SLC30A9: variants seen among roughly 807,000 people sequenced by gnomAD.
SLC30A9 encodes solute carrier family 30 member 9, also known as proton-coupled zinc antiporter SLC30A9, mitochondrial.
A neutral mutation model predicts 87.5 loss-of-function variants in SLC30A9; 58 were observed. The observed-to-expected ratio is 0.66, with a 90% confidence interval of 0.54 to 0.82. The LOEUF (loss-of-function observed/expected upper bound fraction) is 0.82. Among genes scored for constraint, SLC30A9 ranks in the 40% least tolerant of loss-of-function variants. The pLI, the probability that SLC30A9 is intolerant of heterozygous loss-of-function variation, is 0.00. For missense variants in SLC30A9, 557 were observed against 679.1 expected, an observed-to-expected ratio of 0.82 and a Z score of 2.00; for synonymous variants, 234 against 233.0, an observed-to-expected ratio of 1.00 and a Z score of -0.04.
At chr4:42,003,143 G>A (rs1276850757) in intron 2 of SLC30A9, among the ~76,000 whole-genome samples, 1 of 151,976 alleles carries the variant, frequency 6.6e-6, no homozygotes, top group Non-Finnish European at 1.5e-5. Context: ...CAGATAGATG[G>A]AATTTTTGTT....
intron 8 of SLC30A9, among the ~76,000 whole-genome samples, chr4:42,045,182 G>T (rs897784516): frequency 7.2e-5 from 11 of 152,196 alleles, no homozygotes; most frequent in African/African-American, 1.9e-4. Context: ...AAATTCAAAT[G>T]CTAGCAGAAG....
rs548757673 is a variant in SLC30A9 at position 42,048,598 on chromosome 4, A to C, written c.738-779A>C. ...CTAGTTTCCTCAGAGTTAACTGTTT[A>C]TTTTGGCATCTAGCTGCTTCTAGTA... On this transcript the variant is annotated intron_variant, in intron 8 of 17. Transcript: ENST00000264451. 7.5e-5 allele frequency among the ~76,000 whole-genome samples: 11 copies of C among 146,732 alleles called. 1 individual carries two copies. In the East Asian group the frequency reaches 2.3e-3, roughly 30 times the overall value.
intron 10 of SLC30A9, among the ~76,000 whole-genome samples, chr4:42,061,555 G>A (rs899665263): frequency 6.6e-6 from 1 of 152,202 alleles, no homozygotes; most frequent in African/African-American, 2.4e-5. Flanking sequence ...ATTCCCCATG[G>A]CAGGATTACT....
chr4:42,039,346 T>A (rs1235342208), intron 8 of SLC30A9, among the ~76,000 whole-genome samples: 2 of 152,216 alleles, frequency 1.3e-5, no homozygotes, highest in African/African-American at 2.4e-5. Context: ...AAGTCTTTTT[T>A]AAAGAAGTTA....
chr4:41,991,067 CCCGCGGTTACTCACCT>C (rs1422945832), intron 1 of SLC30A9, among the ~76,000 whole-genome samples: 1 of 152,280 alleles, frequency 6.6e-6, no homozygotes, highest in Non-Finnish European at 1.5e-5. Context: ...ATCGCGGTGT[CCCGCGGTTACTCACCT>C]CCGCGGTTGG....
intron 8 of SLC30A9, among the ~76,000 whole-genome samples, chr4:42,045,072 G>A (rs1336345068): frequency 1.3e-5 from 2 of 152,100 alleles, no homozygotes; most frequent in East Asian, 3.9e-4. Flanking sequence ...GTGTTTAGAG[G>A]GAAATTTATA....
At chr4:42,068,019 C>T (rs184555394) in intron 14 of SLC30A9, among the ~76,000 whole-genome samples, 1 of 152,312 alleles carries the variant, frequency 6.6e-6, no homozygotes, top group East Asian at 1.9e-4. Context: ...TTACAATTTT[C>T]ACTTTGCAAA....
At chr4:42,023,417 G>T in intron 6 of SLC30A9, 33 bp downstream of exon 6, 3 of 1,347,640 alleles carry the variant, frequency 2.2e-6, no homozygotes, top group Non-Finnish European at 3.2e-6. Context: ...CAAGTTAATT[G>T]AAAAATAACT....
At chr4:42,065,394 A>G in intron 12 of SLC30A9, 45 bp downstream of exon 12, 2 of 1,009,596 alleles carry the variant, frequency 2.0e-6, no homozygotes, top group East Asian at 2.4e-5. Context: ...ATTTAGTAAT[A>G]TATATTCAGC....
intron 9 of SLC30A9, among the ~76,000 whole-genome samples, chr4:42,059,120 G>T (rs1365796134): frequency 1.3e-5 from 2 of 152,052 alleles, no homozygotes; most frequent in Non-Finnish European, 2.9e-5. Context: ...GAAAAAATGT[G>T]TCTATTAAAT....
intron 4 of SLC30A9, among the ~76,000 whole-genome samples, chr4:42,021,265 C>T (rs1336632707): frequency 6.6e-6 from 1 of 152,074 alleles, no homozygotes; most frequent in Non-Finnish European, 1.5e-5. Flanking sequence ...TTTAATAGAC[C>T]AGGATGAGCA....
chr4:42,060,843 G>A (rs1251322809), intron 10 of SLC30A9, among the ~76,000 whole-genome samples: 1 of 151,970 alleles, frequency 6.6e-6, no homozygotes, highest in East Asian at 1.9e-4. Flanking sequence ...AATATAATTT[G>A]ATAAATCTTA....
intron 2 of SLC30A9, among the ~76,000 whole-genome samples, chr4:42,009,921 GCT>G (rs1715369769): frequency 6.6e-6 from 1 of 152,150 alleles, no homozygotes; most frequent in Admixed American, 6.5e-5. Context: ...TCTCTGCCCT[GCT>G]CTCTGTTTCC....
intron 2 of SLC30A9, among the ~76,000 whole-genome samples, chr4:42,015,400 A>G (rs1049690241): frequency 1.9e-4 from 29 of 152,206 alleles, no homozygotes; most frequent in Admixed American, 1.4e-3. Flanking sequence ...AAAAGCAAAG[A>G]AAACAAGATG....
intron 2 of SLC30A9, among the ~76,000 whole-genome samples, chr4:42,016,051 C>G (rs77264730): frequency 0.019 from 2,961 of 152,200 alleles, 104 homozygotes; most frequent in African/African-American, 0.068. Flanking sequence ...ACAAGGAAAA[C>G]TGGCTCTGTG....
At chr4:42,073,222 T>C (rs1045279025) in intron 15 of SLC30A9, among the ~76,000 whole-genome samples, 2 of 152,212 alleles carry the variant, frequency 1.3e-5, no homozygotes, top group African/African-American at 2.4e-5. Context: ...TATTAGCTCT[T>C]CCTCCCTTCA....
chr4:42,060,931 G>A (rs1717821340), intron 10 of SLC30A9, among the ~76,000 whole-genome samples: 1 of 152,072 alleles, frequency 6.6e-6, no homozygotes, highest in South Asian at 2.1e-4. Flanking sequence ...TTACTTGAAA[G>A]CAATACTACT....
chr4:41,996,463 G>A (rs186302925), intron 1 of SLC30A9, among the ~76,000 whole-genome samples: 1 of 152,014 alleles, frequency 6.6e-6, no homozygotes, highest in Non-Finnish European at 1.5e-5. Flanking sequence ...TGGCCCAGTC[G>A]TAGTGGCTCA....
intron 8 of SLC30A9, 54 bp downstream of exon 8, chr4:42,039,107 A>G: frequency 1.6e-6 from 2 of 1,223,658 alleles, no homozygotes; most frequent in Admixed American, 1.7e-5. Flanking sequence ...TTAAATATGT[A>G]TATCCTTAAA....
Sources: allele counts gnomAD v4.1 joint callset (sites outside exome capture counted in the v4.1 genomes callset), GRCh38; gene constraint gnomAD v4.1.1; transcripts MANE v1.5; gene names NCBI Gene and HGNC (gene_info 2026-07-23, HGNC 2026-07-21).